Variants in TCF7L1 observed in about 807,000 individuals in gnomAD.
The protein encoded by TCF7L1 is transcription factor 7 like 1, also known as transcription factor 7-like 1.
TCF7L1 carries 18 observed loss-of-function variants against 63.7 expected under a neutral mutation model. That is an observed-to-expected ratio of 0.28 (90% CI 0.20 to 0.42). The LOEUF is 0.42. TCF7L1 is among the 10% of genes least tolerant of loss of function. The pLI, the probability that TCF7L1 is intolerant of heterozygous loss-of-function variation, is 1.00. For synonymous variants in TCF7L1, 355 were observed against 340.9 expected, an observed-to-expected ratio of 1.04 and a Z score of -0.46; for missense variants, 654 against 779.3, an observed-to-expected ratio of 0.84 and a Z score of 1.91.
In TCF7L1 at chr2:85,215,349, C is replaced by T. The variant is rs527387673; in HGVS notation, c.442-68146C>T. Among the ~76,000 whole-genome samples, 4 of 152,322 alleles carry T rather than the reference C, an allele frequency of 2.6e-5. No individual in the cohort carries two copies. The South Asian group carries it at 8.3e-4, about 32-fold the overall frequency. ...TCACCACTATCACGAAATTGTGCAG[C>T]GTTCGAGGGAACTCCAGGGAGCCAC... On this transcript the variant is annotated intron_variant, in intron 3 of 11. Coordinates refer to ENST00000282111, the MANE Select transcript of TCF7L1 (RefSeq NM_031283.3).
At chr2:85,236,456 T>G (rs1680194706) in intron 3 of TCF7L1, among the ~76,000 whole-genome samples, 1 of 152,140 alleles carries the variant, frequency 6.6e-6, no homozygotes, top group African/African-American at 2.4e-5. Flanking sequence ...TTTCCTTCTA[T>G]GTTTGCAGCT....
At position 85,134,222 on chromosome 2, in the gene TCF7L1, G is replaced by C. The variant is rs1383430883; in HGVS notation, c.314-101G>C. The C allele has an allele frequency of 6.8e-7, 1 of 1,477,034 alleles. No individual in the cohort carries two copies. Among genetic ancestry groups the C allele is most frequent in the East Asian group, 2.6e-5 (1 of 39,148 alleles). The allele number at this position is 1,477,034 out of a possible 1,614,324, so 91.5% of individuals were successfully genotyped here. On this transcript the variant is annotated intron_variant, in intron 2 of 11. Coordinates refer to ENST00000282111, the MANE Select transcript of TCF7L1 (RefSeq NM_031283.3). The surrounding 1 kb of genome is among the most constrained non-coding windows in gnomAD (Gnocchi z 5.0). Reference sequence around the variant, plus strand: ...TGGCGGCAGCCCCCGTGGGGCGCGCGTGGGGGGCGCTGGGGTCCCCAGCTC... The same window carrying C: ...TGGCGGCAGCCCCCGTGGGGCGCGCCTGGGGGGCGCTGGGGTCCCCAGCTC...
chr2:85,202,720 G>T (rs979319725), intron 3 of TCF7L1, among the ~76,000 whole-genome samples: 2 of 152,324 alleles, frequency 1.3e-5, no homozygotes, highest in South Asian at 4.1e-4. Context: ...AGGCCACGGG[G>T]CTTGGGAGCT....
intron 3 of TCF7L1, among the ~76,000 whole-genome samples, chr2:85,275,532 G>A (rs569706196): frequency 5.9e-5 from 9 of 152,302 alleles, no homozygotes; most frequent in African/African-American, 2.2e-4. Flanking sequence ...TGCTTTTGGA[G>A]CCCCTCTGCT....
At chr2:85,234,890 T>C (rs188289929) in intron 3 of TCF7L1, among the ~76,000 whole-genome samples, 2 of 152,160 alleles carry the variant, frequency 1.3e-5, no homozygotes, top group African/African-American at 4.8e-5. Context: ...AGAGGGTTGC[T>C]GGGGATGGGC....
At chr2:85,257,064 A>T (rs1418036124) in intron 3 of TCF7L1, among the ~76,000 whole-genome samples, 1 of 152,014 alleles carries the variant, frequency 6.6e-6, no homozygotes, top group Admixed American at 6.6e-5. Context: ...AGTTTTAAGA[A>T]TTAGCTGGCT....
Position 85,283,568 on chromosome 2 carries a change from C to T in TCF7L1, c.515C>T (p.Pro172Leu), listed in dbSNP as rs781356125. The change falls in exon 4 of 12, where the codon CCA becomes CTA. Residue 172 changes from proline (P) to leucine (L), a missense_variant. Transcript: ENST00000282111. ...GTCAAGGACACGAGGTCACCATCTC[C>T]AGCACACTTGGTAAGTCTGTTTCAC... ...ATVKDTRSPS[P>L]AHLSNKVPVV... 30 of 1,614,062 alleles carry T rather than the reference C, an allele frequency of 1.9e-5. No individual in the cohort carries two copies. The highest frequency in any genetic ancestry group is 2.5e-5 in the Non-Finnish European group (30 of 1,180,032).
In TCF7L1 at chr2:85,150,211, C is replaced by T. The variant is rs550218428; in HGVS notation, c.441+15761C>T. The stretch of plus-strand genomic sequence containing the variant: ...AGTCTCCTTTAGTCTGGAAGTTCTT[C>T]GGCCTGTCTCTCATGTTCTTGACTC... On this transcript the variant is annotated intron_variant, in intron 3 of 11. Coordinates refer to ENST00000282111, the MANE Select transcript of TCF7L1 (RefSeq NM_031283.3). Among the ~76,000 whole-genome samples the T allele has an allele frequency of 1.5e-4, 23 of 150,780 alleles. No individual in the cohort carries two copies. The South Asian group carries it at 4.4e-3, about 29-fold the overall frequency.
Position 85,309,024 on chromosome 2 carries a change from C to G in TCF7L1, c.1334-5C>G. The G allele has an allele frequency of 1.9e-6, 3 of 1,582,874 alleles. No homozygotes were observed. Among genetic ancestry groups the G allele is most frequent in the Non-Finnish European group, 2.6e-6 (3 of 1,163,442 alleles). ...TGCTCACTCTTTCTTGTATTTTCCC[C>G]CTAGGTGCCCTGGCCTCCAAGAGCA... On this transcript the variant is annotated splice_region_variant and splice_polypyrimidine_tract_variant and intron_variant, in intron 11 of 11. Coordinates refer to ENST00000282111, the MANE Select transcript of TCF7L1 (RefSeq NM_031283.3).
At chr2:85,197,177 G>A (rs549631375) in intron 3 of TCF7L1, among the ~76,000 whole-genome samples, 3 of 152,284 alleles carry the variant, frequency 2.0e-5, no homozygotes, top group East Asian at 1.9e-4. Context: ...TTGCAGGGCC[G>A]AGGAAGGTAG....
rs143835096 is a variant in TCF7L1 at position 85,218,639 on chromosome 2, T to TGGG, written c.442-64849_442-64847dup. Among the ~76,000 whole-genome samples the TGGG allele has an allele frequency of 9.6e-3, 1,437 of 149,892 alleles. 23 individuals are homozygous for TGGG. Among genetic ancestry groups the TGGG allele is most frequent in the African/African-American group, 0.03 (1,199 of 40,576 alleles). On this transcript the variant is annotated intron_variant, in intron 3 of 11. Coordinates refer to ENST00000282111, the MANE Select transcript of TCF7L1 (RefSeq NM_031283.3). ...TAGTTAAAATATCTTTTTATTCCAA[T>TGGG]GGGGGGGGGAAAACTGGTGATAGTG...
At chr2:85,280,558 CTGGTAGAGTTGATGGATT>C (rs1168311698) in intron 3 of TCF7L1, among the ~76,000 whole-genome samples, 2 of 152,152 alleles carry the variant, frequency 1.3e-5, no homozygotes, top group African/African-American at 4.8e-5. Context: ...GGGGCAGATG[CTGGTAGAGTTGATGGATT>C]TTTAGGTACC....
chr2:85,213,224 G>A (rs1482543152), intron 3 of TCF7L1, among the ~76,000 whole-genome samples: 1 of 152,170 alleles, frequency 6.6e-6, no homozygotes, highest in Non-Finnish European at 1.5e-5. Context: ...GCCATGACAA[G>A]GAACTGTATT....
chr2:85,165,515 A>T (rs1194052756), intron 3 of TCF7L1, among the ~76,000 whole-genome samples: 1 of 152,162 alleles, frequency 6.6e-6, no homozygotes, highest in African/African-American at 2.4e-5. Flanking sequence ...TTGCCTTGAG[A>T]CGTGACCTTC....
rs1031779986 is a variant in TCF7L1 at position 85,147,414 on chromosome 2, C to T, written c.441+12964C>T. On this transcript the variant is annotated intron_variant, in intron 3 of 11. Coordinates refer to ENST00000282111, the MANE Select transcript of TCF7L1 (RefSeq NM_031283.3). Reference sequence around the variant, plus strand: ...GTCACTCTTTCCCCACCCCTCCCCACGTGATGCTGTGGGAACCCAAACCCC... The same window carrying T: ...GTCACTCTTTCCCCACCCCTCCCCATGTGATGCTGTGGGAACCCAAACCCC... 2.0e-5 allele frequency among the ~76,000 whole-genome samples: 3 copies of T among 152,124 alleles called. No individual in the cohort carries two copies. The East Asian group carries it at 5.8e-4, about 29-fold the overall frequency.
At chr2:85,153,428 G>A (rs921033244) in intron 3 of TCF7L1, among the ~76,000 whole-genome samples, 2 of 137,324 alleles carry the variant, frequency 1.5e-5, no homozygotes, top group Non-Finnish European at 3.0e-5. Flanking sequence ...TGCAAGCTCC[G>A]CCTCCCGGGT....
At chr2:85,229,621 G>A (rs549638198) in intron 3 of TCF7L1, among the ~76,000 whole-genome samples, 2 of 152,324 alleles carry the variant, frequency 1.3e-5, no homozygotes, top group East Asian at 1.9e-4. Context: ...AAGGGAAGGT[G>A]AAAGTGTGTT....
intron 3 of TCF7L1, among the ~76,000 whole-genome samples, chr2:85,144,883 A>G (rs1035639868): frequency 6.6e-6 from 1 of 152,044 alleles, no homozygotes; most frequent in Non-Finnish European, 1.5e-5. Flanking sequence ...CATGATTTCA[A>G]GACTAGCTTG....
chr2:85,175,184 AAT>A (rs1678650289), intron 3 of TCF7L1, among the ~76,000 whole-genome samples: 2 of 152,196 alleles, frequency 1.3e-5, no homozygotes, highest in South Asian at 2.1e-4. Context: ...TGGAAGTGTG[AAT>A]GGAGACACCT....
Sources: gnomAD v4.1 joint callset for allele counts (sites outside exome capture counted in the v4.1 genomes callset) on GRCh38, gnomAD v4.1.1 for gene constraint, Gnocchi (gnomAD v3.1) non-coding constraint, MANE v1.5 for transcripts, NCBI Gene and HGNC (gene_info 2026-07-23, HGNC 2026-07-21) for gene names.